The following TANC2 variants were observed in gnomAD, a reference collection of about 807,000 sequenced individuals.
The protein encoded by TANC2 is protein TANC2.
Under a neutral mutation model 210.5 loss-of-function variants are expected in TANC2, and 26 were observed. That is an observed-to-expected ratio of 0.12 (90% CI 0.09 to 0.17). The LOEUF is 0.17. Among genes scored for constraint, TANC2 ranks in the 10% least tolerant of loss-of-function variants. The probability of loss-of-function intolerance (pLI) is 1.00; values close to 1 mark genes in which losing one functional copy is unlikely to be tolerated. For synonymous variants in TANC2, 931 were observed against 967.1 expected (o/e 0.96, Z 0.69); for missense variants, 2,129 against 2,608.9 (o/e 0.82, Z 4.01).
chr17:63,211,433 C>A (rs2041881404), intron 7 of TANC2, among the ~76,000 whole-genome samples: 1 of 151,682 alleles, frequency 6.6e-6, no homozygotes, highest in Non-Finnish European at 1.5e-5. Context: ...TGATTTTGTT[C>A]ATAATGATCA....
intron 2 of TANC2, among the ~76,000 whole-genome samples, chr17:63,063,377 AAAGTTCCTAGC>A (rs1474782122): frequency 6.6e-6 from 1 of 152,150 alleles, no homozygotes; most frequent in Non-Finnish European, 1.5e-5. Flanking sequence ...TGATGGGCTG[AAAGTTCCTAGC>A]TTCTAATCAT....
intron 7 of TANC2, among the ~76,000 whole-genome samples, chr17:63,230,513 TG>T (rs1280808496): frequency 6.6e-6 from 1 of 152,234 alleles, no homozygotes; most frequent in Non-Finnish European, 1.5e-5. Flanking sequence ...AATAGCTTCT[TG>T]ATTTCTGTCT....
chr17:63,421,379 C>T lies in TANC2; in HGVS notation c.5649C>T (p.Phe1883=). The T allele has an allele frequency of 6.2e-7, 1 of 1,614,018 alleles. No homozygotes were observed. The highest frequency in any genetic ancestry group is 8.5e-7 in the Non-Finnish European group (1 of 1,179,876). ...CCACCTCCAACCTAACTCCGACCTT[C>T]CGGCCATCTTCTTCCATCCAGCAAA... The change falls in exon 28 of 28, where the codon TTC becomes TTT. Residue 1883 remains phenylalanine, a synonymous_variant. Transcript: ENST00000689528. This position sits in a 1 kb window ranked among gnomAD's most constrained non-coding sequence, Gnocchi z 6.9.
In TANC2 at chr17:63,123,252, G is replaced by A. The variant is rs140424867; in HGVS notation, c.322+23895G>A. Among the ~76,000 whole-genome samples the A allele has an allele frequency of 3.9e-5, 6 of 152,230 alleles. No individual in the cohort carries two copies. The East Asian group carries it at 9.6e-4, about 24-fold the overall frequency. On this transcript the variant is annotated intron_variant, in intron 4 of 27. Transcript: ENST00000689528. ...GATAGACATTGAGTTCAGGGTGGTA[G>A]GACGATATAAGAGGGGAAATGTGGG...
At chr17:63,221,045 A>C (rs937562803) in intron 7 of TANC2, among the ~76,000 whole-genome samples, 1 of 152,100 alleles carries the variant, frequency 6.6e-6, no homozygotes, top group Non-Finnish European at 1.5e-5. Context: ...TGTGTTAGGC[A>C]AAAATTTTTA....
intron 8 of TANC2, among the ~76,000 whole-genome samples, chr17:63,252,189 A>G (rs2043070242): frequency 6.6e-6 from 1 of 152,098 alleles, no homozygotes; most frequent in Non-Finnish European, 1.5e-5. Flanking sequence ...TTAGATGAGT[A>G]TAATTTTTTA....
exon 13 of TANC2, chr17:63,351,374 T>C (rs765625766): frequency 2.5e-6 from 4 of 1,610,808 alleles, no homozygotes; most frequent in Non-Finnish European, 3.4e-6. Flanking sequence ...GAAAGTTTCC[T>C]TCTTGGCTCA....
chr17:63,292,707 T>C (rs2044418406), intron 9 of TANC2, among the ~76,000 whole-genome samples: 1 of 152,202 alleles, frequency 6.6e-6, no homozygotes, highest in Non-Finnish European at 1.5e-5. Context: ...ATGGGGTGAT[T>C]ATGATTACAC....
At chr17:63,020,253 T>C (rs2034291342) in intron 2 of TANC2, among the ~76,000 whole-genome samples, 1 of 152,184 alleles carries the variant, frequency 6.6e-6, no homozygotes, top group Non-Finnish European at 1.5e-5. Flanking sequence ...TAACAGGGCT[T>C]TTTATAAAGC....
intron 7 of TANC2, among the ~76,000 whole-genome samples, chr17:63,232,881 GACTGCGGCTGCA>G (rs367729322): frequency 6.6e-6 from 1 of 152,254 alleles, no homozygotes; most frequent in African/African-American, 2.4e-5. Context: ...GATCAACCGA[GACTGCGGCTGCA>G]ACTGCGGCTG....
intron 11 of TANC2, among the ~76,000 whole-genome samples, chr17:63,321,272 T>C (rs1341622455): frequency 3.3e-5 from 5 of 152,236 alleles, no homozygotes; most frequent in Non-Finnish European, 5.9e-5. Flanking sequence ...TCTATACTTT[T>C]GTTTTTTGGT....
At chr17:63,225,359 T>C (rs1014960730) in intron 7 of TANC2, among the ~76,000 whole-genome samples, 2 of 152,214 alleles carry the variant, frequency 1.3e-5, no homozygotes, top group African/African-American at 4.8e-5. Context: ...CTTTGCCTAA[T>C]TGTGTTTCAA....
At chr17:63,291,122 C>G (rs1248610492) in intron 9 of TANC2, among the ~76,000 whole-genome samples, 9 of 152,168 alleles carry the variant, frequency 5.9e-5, no homozygotes, top group Non-Finnish European at 1.0e-4. Flanking sequence ...AGTGCCTTGG[C>G]TAGTATCCAA....
chr17:63,276,943 A>G (rs2043894600), intron 9 of TANC2, among the ~76,000 whole-genome samples: 1 of 152,226 alleles, frequency 6.6e-6, no homozygotes, highest in East Asian at 1.9e-4. Flanking sequence ...ATAGCAGTAC[A>G]TTGGCTTATG....
At chr17:63,008,661 A>T (rs530996838) in intron 1 of TANC2, among the ~76,000 whole-genome samples, 74 of 152,214 alleles carry the variant, frequency 4.9e-4, no homozygotes, top group African/African-American at 1.7e-3. Context: ...ATGATTTTTT[A>T]AAATAAAATT....
chr17:63,272,613 T>A (rs2043746952), intron 9 of TANC2, among the ~76,000 whole-genome samples: 1 of 152,176 alleles, frequency 6.6e-6, no homozygotes, highest in African/African-American at 2.4e-5. Context: ...TATTTGTTTG[T>A]GTCATCTCTG....
chr17:63,268,965 A>G (rs1598742131), intron 9 of TANC2, among the ~76,000 whole-genome samples: 4 of 152,024 alleles, frequency 2.6e-5, no homozygotes, highest in East Asian at 1.9e-4. Flanking sequence ...TGTGTTTTTA[A>G]TTTTATCTTA....
chr17:63,233,593 C>T (rs1277142480), intron 7 of TANC2, among the ~76,000 whole-genome samples: 1 of 152,230 alleles, frequency 6.6e-6, no homozygotes, highest in East Asian at 1.9e-4. Context: ...ACCTCAGTTG[C>T]CAGTGCAGGA....
At chr17:63,047,547 G>A (rs1357857177) in intron 2 of TANC2, among the ~76,000 whole-genome samples, 5 of 152,064 alleles carry the variant, frequency 3.3e-5, no homozygotes, top group African/African-American at 4.8e-5. Context: ...TTGAAGGGAT[G>A]AAAGGAAGTT....
Sources: gnomAD v4.1 joint callset for allele counts (sites outside exome capture counted in the v4.1 genomes callset) on GRCh38, gnomAD v4.1.1 for gene constraint, Gnocchi (gnomAD v3.1) non-coding constraint, MANE v1.5 for transcripts, NCBI Gene and HGNC (gene_info 2026-07-23, HGNC 2026-07-21) for gene names.